Variants in ACAP2 observed in about 807,000 individuals in gnomAD.
ACAP2 encodes arf-GAP with coiled-coil, ANK repeat and PH domain-containing protein 2.
Under a neutral mutation model 115.8 loss-of-function variants are expected in ACAP2, and 39 were observed. That is an observed-to-expected ratio of 0.34 (90% CI 0.26 to 0.44). The LOEUF is 0.44. Ranked by LOEUF, ACAP2 falls within the 20% of genes least tolerant of loss-of-function variation. ACAP2 has a pLI of 1.00. For missense variants in ACAP2, 662 were observed against 927.6 expected (o/e 0.71, Z 3.72); for synonymous variants, 289 against 315.8 (o/e 0.92, Z 0.90).
Position 195,380,293 on chromosome 3 carries a change from TAAG to T in ACAP2, c.285+713_285+715del, listed in dbSNP as rs1201454997. 5.9e-5 allele frequency among the ~76,000 whole-genome samples: 9 copies of T among 152,136 alleles called. No individual in the cohort carries two copies. The South Asian group carries it at 8.3e-4, about 14-fold the overall frequency. ...CAACAAAAAAAAATTAAAATCAAAT[TAAG>T]AACCAAAAACAAGCAGATTTTATGA... On this transcript the variant is annotated intron_variant, in intron 4 of 22. Coordinates refer to ENST00000326793, the MANE Select transcript of ACAP2 (RefSeq NM_012287.6).
In ACAP2 at chr3:195,400,678, A is replaced by G. The variant is rs564365238; in HGVS notation, c.54-8531T>C. Among the ~76,000 whole-genome samples, 6 of 152,328 alleles carry G rather than the reference A, an allele frequency of 3.9e-5. No homozygotes were observed. In the South Asian group the frequency reaches 6.2e-4, roughly 16 times the overall value. On this transcript the variant is annotated intron_variant, in intron 1 of 22. Transcript: ENST00000326793. ...AAAGCAGTTAAAGTTTGTTGTTATT[A>G]GTAGAGTGTCACAGGCAATACATCT...
intron 6 of ACAP2, among the ~76,000 whole-genome samples, chr3:195,339,792 A>C (rs1027697945): frequency 6.6e-6 from 1 of 152,064 alleles, no homozygotes; most frequent in African/African-American, 2.4e-5. Context: ...AAAAATAATG[A>C]AAATTTTAGC....
At chr3:195,307,383 T>C (rs1007131486) in intron 11 of ACAP2, 60 bp from the exon 12 acceptor site, 6 of 993,002 alleles carry the variant, frequency 6.0e-6, no homozygotes, top group African/African-American at 1.6e-5. Flanking sequence ...CTACCAATAA[T>C]GAAATACTTA....
intron 18 of ACAP2, among the ~76,000 whole-genome samples, chr3:195,293,745 T>A (rs114304089): frequency 0.026 from 3,933 of 149,410 alleles, 144 homozygotes; most frequent in African/African-American, 0.088. Context: ...GGAGGCTGAG[T>A]AGGAGAACTG....
intron 10 of ACAP2, among the ~76,000 whole-genome samples, chr3:195,310,055 G>A (rs1254401384): frequency 6.6e-6 from 1 of 151,768 alleles, no homozygotes; most frequent in Admixed American, 6.5e-5. Context: ...TGTAACATTA[G>A]TTATTAATCA....
chr3:195,279,663 G>A (rs1726360458), intron 22 of ACAP2: 2 of 320,666 alleles, frequency 6.2e-6, no homozygotes, highest in Non-Finnish European at 1.1e-5. Context: ...AGAAAGCTCA[G>A]AGTTAGAAAA....
At position 195,276,299 on chromosome 3, in the gene ACAP2, G is replaced by C. The variant is rs1344794431; in HGVS notation, c.*3029C>G. On this transcript the variant is annotated 3_prime_UTR_variant, in exon 23 of 23. Coordinates refer to ENST00000326793, the MANE Select transcript of ACAP2 (RefSeq NM_012287.6). ...TTCATTAAAATATACAGTGAAAACC[G>C]GTATAAATTAGGCAAACACCATAAT... is the stretch of plus-strand genomic sequence containing the variant. The C allele has an allele frequency of 6.6e-6, 1 of 152,012 alleles. No homozygotes were observed. Among genetic ancestry groups the C allele is most frequent in the African/African-American group, 2.4e-5 (1 of 41,396 alleles). The allele number at this position is 152,012 out of a possible 1,614,324, so 9.4% of individuals were successfully genotyped here. A position where few individuals can be genotyped will look rare whatever the true frequency, so the allele number is the denominator to read the frequency against.
intron 15 of ACAP2, among the ~76,000 whole-genome samples, chr3:195,300,490 G>T (rs536114128): frequency 4.0e-4 from 61 of 152,240 alleles, no homozygotes; most frequent in African/African-American, 1.4e-3. Flanking sequence ...ACCGGTAGTG[G>T]TCTAAAATTA....
At position 195,372,186 on chromosome 3, in the gene ACAP2, T is replaced by C. The variant is rs928180144; in HGVS notation, c.285+8823A>G. On this transcript the variant is annotated intron_variant, in intron 4 of 22. Coordinates refer to ENST00000326793, the MANE Select transcript of ACAP2 (RefSeq NM_012287.6). ...AATGCTGCATACAATTGCAGAACTG[T>C]AAACGTACCAGCCTACAGGAAAAAA... Among the ~76,000 whole-genome samples the C allele has an allele frequency of 2.6e-5, 4 of 152,256 alleles. No individual in the cohort carries two copies. In the East Asian group the frequency reaches 7.7e-4, roughly 29 times the overall value.
At chr3:195,370,171 T>C (rs1733022631) in intron 4 of ACAP2, among the ~76,000 whole-genome samples, 1 of 152,182 alleles carries the variant, frequency 6.6e-6, no homozygotes, top group African/African-American at 2.4e-5. Flanking sequence ...GGATGAGTAG[T>C]TTGCAAATAT....
intron 4 of ACAP2, among the ~76,000 whole-genome samples, chr3:195,365,649 T>C (rs1457705295): frequency 2.6e-5 from 4 of 152,086 alleles, no homozygotes; most frequent in Non-Finnish European, 4.4e-5. Flanking sequence ...ATCATTCCTG[T>C]CCTTTCCGGA....
intron 4 of ACAP2, among the ~76,000 whole-genome samples, chr3:195,370,927 G>A (rs1304932502): frequency 6.7e-6 from 1 of 149,330 alleles, no homozygotes; most frequent in Non-Finnish European, 1.5e-5. Context: ...ACTCCAGTCT[G>A]GGCAGCTAGA....
chr3:195,326,681 G>A, intron 9 of ACAP2: 1 of 486,234 alleles, frequency 2.1e-6, no homozygotes, highest in Admixed American at 3.4e-5. Flanking sequence ...AAGAAGCATA[G>A]CTTTCAAAGA....
At chr3:195,326,835 C>G in intron 9 of ACAP2, 50 bp downstream of exon 9, 1 of 1,521,898 alleles carries the variant, frequency 6.6e-7, no homozygotes, top group Non-Finnish European at 9.1e-7. Context: ...AACCAACACC[C>G]AAGCCATTGT....
chr3:195,384,635 G>A (rs966044466), intron 2 of ACAP2, among the ~76,000 whole-genome samples: 2 of 152,138 alleles, frequency 1.3e-5, no homozygotes, highest in African/African-American at 4.8e-5. Flanking sequence ...GCTGAGGCAG[G>A]AGAATTGCCT....
Position 195,320,822 on chromosome 3 carries a change from A to C in ACAP2, c.745-9T>G, listed in dbSNP as rs769657124. 1.7e-5 allele frequency: 27 copies of C among 1,585,396 alleles called. No individual in the cohort carries two copies. Among genetic ancestry groups the C allele is most frequent in the Non-Finnish European group, 2.3e-5 (26 of 1,155,396 alleles). Reference sequence around the variant, plus strand: ...TCATCACTGGAGAAATCCTACACAAAATAACACATAAAGAAGTTCATATGA... The same window carrying C: ...TCATCACTGGAGAAATCCTACACAACATAACACATAAAGAAGTTCATATGA... On this transcript the variant is annotated splice_polypyrimidine_tract_variant and intron_variant, in intron 9 of 22. Coordinates refer to ENST00000326793, the MANE Select transcript of ACAP2 (RefSeq NM_012287.6).
chr3:195,279,289 G>C lies in ACAP2; in HGVS notation c.*39C>G, dbSNP rs753369388. 1.4e-6 allele frequency: 2 copies of C among 1,394,658 alleles called. No individual in the cohort carries two copies. The highest frequency in any genetic ancestry group is 2.0e-6 in the Non-Finnish European group (2 of 992,388). The allele number at this position is 1,394,658 out of a possible 1,614,324, so 86.4% of individuals were successfully genotyped here. A position where few individuals can be genotyped will look rare whatever the true frequency, so the allele number is the denominator to read the frequency against. On this transcript the variant is annotated 3_prime_UTR_variant, in exon 23 of 23. Coordinates refer to ENST00000326793, the MANE Select transcript of ACAP2 (RefSeq NM_012287.6). Reference sequence around the variant, plus strand: ...TGATTTTTTAGCTGTATACATTAGGGGGTCACCAGATTTCATATTTTCCCA... The same window carrying C: ...TGATTTTTTAGCTGTATACATTAGGCGGTCACCAGATTTCATATTTTCCCA...
chr3:195,406,311 T>C (rs1017413471), intron 1 of ACAP2, among the ~76,000 whole-genome samples: 1 of 152,210 alleles, frequency 6.6e-6, no homozygotes, highest in Non-Finnish European at 1.5e-5. Context: ...ATTTAAGTGA[T>C]AGACTGTAAA....
At chr3:195,299,581 G>A (rs1399860665) in intron 15 of ACAP2, among the ~76,000 whole-genome samples, 3 of 151,556 alleles carry the variant, frequency 2.0e-5, no homozygotes, top group Admixed American at 2.0e-4. Context: ...GCTCACGCCT[G>A]TAATCCCAGC....
Sources: gnomAD v4.1 joint callset for allele counts (sites outside exome capture counted in the v4.1 genomes callset) on GRCh38, gnomAD v4.1.1 for gene constraint, MANE v1.5 for transcripts, NCBI Gene and HGNC (gene_info 2026-07-23, HGNC 2026-07-21) for gene names.